The following PCGF3 variants were observed in gnomAD, a reference collection of about 807,000 sequenced individuals.
The protein encoded by PCGF3 is polycomb group ring finger 3.
In PCGF3, 7 loss-of-function variants were observed where a neutral mutation model predicts 33.1. The ratio of observed to expected loss-of-function variants is 0.21; its 90% CI spans 0.12 to 0.40. The LOEUF is 0.40. Among genes scored for constraint, PCGF3 ranks in the 10% least tolerant of loss-of-function variants. The pLI is 1.00. For missense variants in PCGF3, 211 were observed against 313.3 expected, an observed-to-expected ratio of 0.67 and a Z score of 2.46; for synonymous variants, 153 against 121.3, an observed-to-expected ratio of 1.26 and a Z score of -1.72.
At chr4:716,823 A>C (rs34912148) in intron 1 of PCGF3, among the ~76,000 whole-genome samples, 1 of 129,912 alleles carries the variant, frequency 7.7e-6, no homozygotes, top group African/African-American at 3.0e-5. Flanking sequence ...TGAGTGTGAG[A>C]ACTGGGCGTC....
chr4:720,328 G>C lies in PCGF3; in HGVS notation c.-189-10302G>C, dbSNP rs114903981. Among the ~76,000 whole-genome samples the C allele has an allele frequency of 1.3e-5, 2 of 152,076 alleles. No homozygotes were observed. The highest frequency in any genetic ancestry group is 4.8e-5 in the African/African-American group (2 of 41,436). On this transcript the variant is annotated intron_variant, in intron 1 of 10. Coordinates refer to ENST00000362003, the Ensembl canonical transcript of PCGF3. This position sits in a 1 kb window ranked among gnomAD's most constrained non-coding sequence, Gnocchi z 5.6. ...ATGCATCGCTGGGGAGGGTGACTGCGGGAGGAGCGCCTGTGCATCGCTGTG... is the reference window on the plus strand; with the variant it reads ...ATGCATCGCTGGGGAGGGTGACTGCCGGAGGAGCGCCTGTGCATCGCTGTG...
intron 1 of PCGF3, among the ~76,000 whole-genome samples, chr4:716,088 C>G (rs571138775): frequency 7.3e-6 from 1 of 137,640 alleles, no homozygotes; most frequent in African/African-American, 2.7e-5. Flanking sequence ...AACCGGGCAT[C>G]GGTGCTGGGA....
At chr4:712,230 C>T (rs907853087) in intron 1 of PCGF3, among the ~76,000 whole-genome samples, 4 of 152,234 alleles carry the variant, frequency 2.6e-5, no homozygotes, top group Non-Finnish European at 2.9e-5. Flanking sequence ...ACGTTTCTCC[C>T]GACAGAACTG....
chr4:719,356 CAG>C (rs1361616192), intron 1 of PCGF3, among the ~76,000 whole-genome samples: 3 of 152,256 alleles, frequency 2.0e-5, no homozygotes, highest in Non-Finnish European at 4.4e-5. Context: ...CGGGAAGGAA[CAG>C]AGAGTGCTTG....
exon 11 of PCGF3, chr4:766,666 CACA>C (rs1188170203): frequency 1.3e-5 from 2 of 152,034 alleles, no homozygotes; most frequent in South Asian, 2.1e-4. Flanking sequence ...CCTTATGAAA[CACA>C]ACAGCAGCTC....
chr4:754,598 G>A lies in PCGF3; in HGVS notation c.463-6681G>A, dbSNP rs538624075. Reference sequence around the variant, plus strand: ...CAGGCTGCCCCACGTGCCGTGGGTGGTGAGTCCGGGGCAGAGTGAACGGGT... The same window carrying A: ...CAGGCTGCCCCACGTGCCGTGGGTGATGAGTCCGGGGCAGAGTGAACGGGT... On this transcript the variant is annotated intron_variant, in intron 8 of 10. Coordinates refer to ENST00000362003, the Ensembl canonical transcript of PCGF3. 8.2e-4 allele frequency among the ~76,000 whole-genome samples: 125 copies of A among 152,350 alleles called. 1 individual carries two copies. Among genetic ancestry groups the A allele is most frequent in the African/African-American group, 2.9e-3 (120 of 41,586 alleles).
At chr4:760,887 C>T (rs75811058) in intron 8 of PCGF3, among the ~76,000 whole-genome samples, 7,212 of 152,356 alleles carry the variant, frequency 0.047, 292 homozygotes, top group Non-Finnish European at 0.063. Flanking sequence ...TGTCTTCCTG[C>T]AGTCGCTGCT....
chr4:734,745 T>A, intron 4 of PCGF3, 186 bp from the exon 5 acceptor site: 1 of 1,379,140 alleles, frequency 7.3e-7, no homozygotes, highest in African/African-American at 1.5e-5. Flanking sequence ...AATTAAAACC[T>A]TCTCATTGCT....
At chr4:732,879 A>G (rs1743661808) in intron 3 of PCGF3, among the ~76,000 whole-genome samples, 2 of 152,220 alleles carry the variant, frequency 1.3e-5, no homozygotes, top group Non-Finnish European at 2.9e-5. Context: ...TGCCTCAAGC[A>G]CAGAAGCAAA....
chr4:764,870 GCACGTT>G, intron 9 of PCGF3, 108 bp from the exon 10 acceptor site: 1 of 683,016 alleles, frequency 1.5e-6, no homozygotes, highest in Non-Finnish European at 2.7e-6. Context: ...CCATCTCTAG[GCACGTT>G]CTTGCATGAT....
chr4:738,881 AGT>A (rs1277386761), intron 6 of PCGF3, among the ~76,000 whole-genome samples: 17 of 150,980 alleles, frequency 1.1e-4, no homozygotes, highest in Non-Finnish European at 2.4e-4. Flanking sequence ...AAATAAATAA[AGT>A]GTGCACTGGA....
At chr4:729,634 T>C (rs1183684601) in intron 1 of PCGF3, among the ~76,000 whole-genome samples, 1 of 152,170 alleles carries the variant, frequency 6.6e-6, no homozygotes, top group African/African-American at 2.4e-5. Context: ...GCCTCAGACA[T>C]GCCTGCTGAT....
intron 8 of PCGF3, among the ~76,000 whole-genome samples, chr4:757,892 G>A (rs947097526): frequency 6.6e-6 from 1 of 152,140 alleles, no homozygotes; most frequent in East Asian, 1.9e-4. Flanking sequence ...AAGTTGGCCC[G>A]GCGCGGTGGC....
At chr4:722,916 T>A (rs1487675017) in intron 1 of PCGF3, among the ~76,000 whole-genome samples, 10 of 95,518 alleles carry the variant, frequency 1.0e-4, no homozygotes, top group African/African-American at 1.7e-4. Flanking sequence ...CACACTCGCG[T>A]CATCGCCATC....
intron 1 of PCGF3, among the ~76,000 whole-genome samples, chr4:709,805 C>T (rs1742487785): frequency 6.6e-6 from 1 of 152,240 alleles, no homozygotes; most frequent in South Asian, 2.1e-4. Flanking sequence ...TCAGGGTACT[C>T]AGTGTCAGCC....
At chr4:737,383 C>G (rs1430347747) in intron 5 of PCGF3, 83 bp from the exon 6 acceptor site, 1 of 929,468 alleles carries the variant, frequency 1.1e-6, no homozygotes, top group African/African-American at 1.6e-5. Flanking sequence ...TGATTCTGAA[C>G]TTTGATATTG....
intron 1 of PCGF3, among the ~76,000 whole-genome samples, chr4:724,413 C>T (rs748414533): frequency 4.4e-4 from 67 of 152,356 alleles, no homozygotes; most frequent in Admixed American, 1.0e-3. Context: ...GACAGCGGTG[C>T]TGTGGGGGCC....
intron 9 of PCGF3, 181 bp from the exon 10 acceptor site, chr4:764,803 T>G: frequency 1.7e-6 from 1 of 576,466 alleles, no homozygotes; most frequent in Non-Finnish European, 3.1e-6. Context: ...GGGACCACAC[T>G]CCATCTCTAG....
intron 6 of PCGF3, among the ~76,000 whole-genome samples, chr4:739,789 CA>C (rs1343635846): frequency 1.3e-5 from 2 of 152,230 alleles, no homozygotes; most frequent in East Asian, 3.9e-4. Flanking sequence ...TCCACCTCAG[CA>C]CGCTCTTGTC....
Sources: allele counts gnomAD v4.1 joint callset (sites outside exome capture counted in the v4.1 genomes callset), GRCh38; gene constraint gnomAD v4.1.1; non-coding constraint Gnocchi (gnomAD v3.1); transcripts MANE v1.5; gene names NCBI Gene and HGNC (gene_info 2026-07-23, HGNC 2026-07-21).